FANCD2: variants seen among roughly 807,000 people sequenced by gnomAD.
The protein encoded by FANCD2 is Fanconi anemia group D2 protein.
In FANCD2, 131 loss-of-function variants were observed where a neutral mutation model predicts 192.3. The observed-to-expected ratio is 0.68, with a 90% CI of 0.59 to 0.79. FANCD2 has a LOEUF of 0.79. FANCD2 is among the 30% of genes least tolerant of loss of function. The pLI is 0.00. For missense variants in FANCD2, 1,508 were observed against 1,701.6 expected (o/e 0.89, Z 2.00); for synonymous variants, 524 against 612.5 (o/e 0.86, Z 2.13).
At chr3:10,085,025 A>G (rs1358262619) in intron 32 of FANCD2, among the ~76,000 whole-genome samples, 1 of 152,234 alleles carries the variant, frequency 6.6e-6, no homozygotes, top group Non-Finnish European at 1.5e-5. Context: ...GGAAGGGACA[A>G]TATGAAAGGT....
At chr3:10,095,323 T>A in intron 41 of FANCD2, 49 bp downstream of exon 41, 1 of 1,465,978 alleles carries the variant, frequency 6.8e-7, no homozygotes, top group Non-Finnish European at 9.5e-7. Context: ...TGGCTTAATC[T>A]GCAGTTGCTA....
chr3:10,087,118 T>C lies in FANCD2; in HGVS notation c.3336-16T>C. 6.2e-7 allele frequency: 1 copy of C among 1,613,958 alleles called. No individual in the cohort carries two copies. The highest frequency in any genetic ancestry group is 1.1e-5 in the South Asian group (1 of 91,074). ...GGATACTATTGCATTTGTTTGTTTT[T>C]CTTGTCTCCTTACAGCCAGAGCGTC... On this transcript the variant is annotated splice_polypyrimidine_tract_variant and intron_variant, in intron 33 of 43. Transcript: ENST00000675286.
rs2086680789 is a variant in FANCD2, at chr3:10,034,451, C to G, written c.206-18C>G. 3 of 1,601,578 alleles carry G rather than the reference C, an allele frequency of 1.9e-6. No homozygotes were observed. Among genetic ancestry groups the G allele is most frequent in the Non-Finnish European group, 2.6e-6 (3 of 1,168,962 alleles). ...TATGGTAGGAAACTGGTGACCAGCT[C>G]TTCTTTTTTCTGCATAGCTGTGGAT... On this transcript the variant is annotated intron_variant, in intron 3 of 43. Transcript: ENST00000675286.
At chr3:10,075,728 C>T (rs1286712698) in intron 29 of FANCD2, among the ~76,000 whole-genome samples, 17 of 106,624 alleles carry the variant, frequency 1.6e-4, no homozygotes, top group Admixed American at 4.9e-4. Context: ...AAATAGTATC[C>T]TTTTTTTTTT....
intron 7 of FANCD2, 45 bp downstream of exon 7, chr3:10,036,384 T>A: frequency 1.4e-6 from 2 of 1,400,256 alleles, no homozygotes; most frequent in Non-Finnish European, 2.0e-6. Flanking sequence ...CTGATGTACT[T>A]AAGTTCTCTC....
At chr3:10,100,981 A>G (rs1296951122) in intron 43 of FANCD2, among the ~76,000 whole-genome samples, 1 of 152,102 alleles carries the variant, frequency 6.6e-6, no homozygotes, top group Non-Finnish European at 1.5e-5. Context: ...AGGCAGGGGA[A>G]TCGCTTGAAC....
At chr3:10,050,950 G>T (rs1257068302) in intron 17 of FANCD2, among the ~76,000 whole-genome samples, 7 of 152,096 alleles carry the variant, frequency 4.6e-5, no homozygotes, top group African/African-American at 1.7e-4. Context: ...CCTGGGCATT[G>T]TGGTGCATGC....
rs150763563 is a variant in FANCD2, at chr3:10,084,463, CT to C, written c.3225-1339del. On this transcript the variant is annotated intron_variant, in intron 32 of 43. Coordinates refer to ENST00000675286, the MANE Select transcript of FANCD2 (RefSeq NM_001018115.3). ...TACCACCATGCCCAGCTGATTTTTC[CT>C]TTTTTTTTTCTTTGGTAGAGACGGG... Among the ~76,000 whole-genome samples, 952 of 149,102 alleles carry C rather than the reference CT, an allele frequency of 6.4e-3. 3 individuals carry two copies. The highest frequency in any genetic ancestry group is 9.2e-3 in the Non-Finnish European group (616 of 66,920).
Position 10,073,305 on chromosome 3 carries a change from A to G in FANCD2, c.2658A>G (p.Ser886=), listed in dbSNP as rs1693354639. 1.9e-6 allele frequency: 3 copies of G among 1,614,148 alleles called. No homozygotes were observed. Among genetic ancestry groups the G allele is most frequent in the Non-Finnish European group, 2.5e-6 (3 of 1,179,996 alleles). ...GSKTSSSDTL[S]EEKNSECDPT... ...AGACATCCTCCTCTGACACACTTTC[A>G]GAAGAGAAAAATTCAGAATGTGACC... is the stretch of plus-strand genomic sequence containing the variant. The change falls in exon 28 of 44, where the codon TCA becomes TCG. Residue 886 remains serine, a synonymous_variant. Transcript: ENST00000675286.
At chr3:10,046,117 G>A (rs1161156664) in intron 14 of FANCD2, among the ~76,000 whole-genome samples, 1 of 147,940 alleles carries the variant, frequency 6.8e-6, no homozygotes, top group Non-Finnish European at 1.5e-5. Context: ...GCAGTGGCGC[G>A]ATCTCGGCTC....
Position 10,101,274 on chromosome 3 carries a change from A to G in FANCD2, c.*12A>G, listed in dbSNP as rs981613933. On this transcript the variant is annotated 3_prime_UTR_variant, in exon 44 of 44. Transcript: ENST00000675286. ...ATGACTCTGATTAGACCCCAGATAA[A>G]TTGTTGCCTGCTTCTGTGTCTCTGC... 5 of 1,588,732 alleles carry G rather than the reference A, an allele frequency of 3.1e-6. No individual in the cohort carries two copies. The highest frequency in any genetic ancestry group is 4.3e-6 in the Non-Finnish European group (5 of 1,157,994).
chr3:10,067,674 T>G (rs1486624759), intron 26 of FANCD2, among the ~76,000 whole-genome samples: 2 of 152,138 alleles, frequency 1.3e-5, no homozygotes, highest in Non-Finnish European at 2.9e-5. Context: ...TGTGGGCACC[T>G]GTAATCCCAA....
At chr3:10,069,991 G>T (rs1373286615) in intron 26 of FANCD2, among the ~76,000 whole-genome samples, 1 of 150,778 alleles carries the variant, frequency 6.6e-6, no homozygotes, top group South Asian at 2.1e-4. Context: ...GTCTCTGCCC[G>T]GCCGCCATCC....
chr3:10,026,783 G>T (rs993729420), intron 1 of FANCD2, among the ~76,000 whole-genome samples: 1 of 152,228 alleles, frequency 6.6e-6, no homozygotes, highest in Non-Finnish European at 1.5e-5. Flanking sequence ...GTGCCTGGAA[G>T]CCGGACGTGC....
At chr3:10,034,929 C>G in intron 5 of FANCD2, 131 bp downstream of exon 5, 2 of 789,090 alleles carry the variant, frequency 2.5e-6, no homozygotes, top group Non-Finnish European at 4.3e-6. Flanking sequence ...AGAGTTTAAA[C>G]TAAGTTTAAA....
At chr3:10,042,708 GC>G (rs1286459694) in intron 11 of FANCD2, 45 bp downstream of exon 11, 3 of 1,444,246 alleles carry the variant, frequency 2.1e-6, no homozygotes, top group Admixed American at 1.7e-5. Context: ...CAACTTAAGT[GC>G]CAATTGCTCT....
At chr3:10,049,139 G>A (rs1393776027) in intron 16 of FANCD2, among the ~76,000 whole-genome samples, 1 of 151,874 alleles carries the variant, frequency 6.6e-6, no homozygotes, top group East Asian at 1.9e-4. Context: ...GGAGGGCTTA[G>A]GTAGAGCTCA....
intron 6 of FANCD2, 96 bp downstream of exon 6, chr3:10,035,329 A>G: frequency 8.9e-7 from 1 of 1,119,436 alleles, no homozygotes; most frequent in Non-Finnish European, 1.4e-6. Flanking sequence ...AGTAGGGTTA[A>G]TTGGAGAATT....
Position 10,096,429 on chromosome 3 carries a change from G to C in FANCD2, c.4142G>C (p.Arg1381Thr). The C allele has an allele frequency of 6.2e-7, 1 of 1,614,164 alleles. No individual in the cohort carries two copies. Among genetic ancestry groups the C allele is most frequent in the Non-Finnish European group, 8.5e-7 (1 of 1,180,026 alleles). The change falls in exon 42 of 44, where the codon AGA (arginine) becomes ACA (threonine). Residue 1381 changes from arginine to threonine, a missense_variant. Physicochemically the swap from Arg to Thr is moderately conservative, Grantham distance 71. Around this residue, in one of 5 missense-constraint regions of FANCD2, gnomAD observed 796 missense variants for 879.4 expected, o/e 0.91. Transcript: ENST00000675286. Reference protein sequence around the residue: ...VKAMLTLNNCREAFWLGNLKN... With the variant: ...VKAMLTLNNCTEAFWLGNLKN... Reference sequence around the variant, plus strand: ...GCTATGCTCACTCTCAACAATTGTAGAGAGGCTTTCTGGCTGGGCAATCTA... The same window carrying C: ...GCTATGCTCACTCTCAACAATTGTACAGAGGCTTTCTGGCTGGGCAATCTA...
Sources: allele counts gnomAD v4.1 joint callset (sites outside exome capture counted in the v4.1 genomes callset), GRCh38; gene constraint gnomAD v4.1.1; regional missense constraint gnomAD v4.1.1; transcripts MANE v1.5; gene names NCBI Gene and HGNC (gene_info 2026-07-23, HGNC 2026-07-21).